APP: variants seen among roughly 807,000 people sequenced by gnomAD.
APP encodes the protein amyloid-beta precursor protein.
APP carries 31 observed loss-of-function variants against 101.4 expected under a neutral mutation model. That is an observed-to-expected ratio of 0.31 (90% CI 0.23 to 0.41). The LOEUF is 0.41. APP is among the 10% of genes least tolerant of loss of function. The pLI is 1.00. For missense variants in APP, 839 were observed against 1,003.7 expected (o/e 0.84, Z 2.22); for synonymous variants, 366 against 364.4 (o/e 1.00, Z -0.05).
intron 2 of APP, among the ~76,000 whole-genome samples, chr21:26,102,889 C>CAAAAAAAAAAAAA (rs3084283): frequency 1.6e-5 from 1 of 63,090 alleles, no homozygotes; most frequent in Non-Finnish European, 2.9e-5. Context: ...GACTCTGTCT[C>CAAAAAAAAAAAAA]AAAAAAAAAA....
At chr21:26,007,269 A>C (rs898738450) in intron 6 of APP, among the ~76,000 whole-genome samples, 4 of 150,872 alleles carry the variant, frequency 2.7e-5, no homozygotes, top group Non-Finnish European at 5.9e-5. Context: ...TCCTTAATGT[A>C]ACAGTGGAAT....
intron 15 of APP, chr21:25,897,899 T>A (rs989052310): frequency 7.2e-6 from 4 of 558,476 alleles, no homozygotes; most frequent in African/African-American, 5.7e-5. Context: ...AAAGTAAGGC[T>A]TCTGCTGCCT....
At chr21:26,157,908 A>G (rs2063409238) in intron 1 of APP, among the ~76,000 whole-genome samples, 1 of 152,228 alleles carries the variant, frequency 6.6e-6, no homozygotes, top group South Asian at 2.1e-4. Flanking sequence ...CTCAGTGTCA[A>G]GCTCTTTTCT....
intron 2 of APP, among the ~76,000 whole-genome samples, chr21:26,105,499 C>A (rs1044191178): frequency 2.1e-4 from 32 of 151,276 alleles, no homozygotes; most frequent in Admixed American, 7.9e-4. Context: ...TCCATCAATA[C>A]GGTTTAAAAA....
At chr21:26,118,028 C>T (rs1360972987) in intron 1 of APP, among the ~76,000 whole-genome samples, 2 of 152,066 alleles carry the variant, frequency 1.3e-5, no homozygotes, top group Non-Finnish European at 2.9e-5. Flanking sequence ...TAGATTGGTG[C>T]AAAAATCGCA....
chr21:26,169,990 C>G (rs1414739669), intron 1 of APP, among the ~76,000 whole-genome samples: 2 of 152,046 alleles, frequency 1.3e-5, no homozygotes, highest in African/African-American at 2.4e-5. Context: ...CCAGCAGCCG[C>G]GAAAAGAGGT....
Position 25,889,097 on chromosome 21 carries a change from T to TA in APP, c.2211+2624dup, listed in dbSNP as rs1190166493. On this transcript the variant is annotated intron_variant, in intron 17 of 17. Coordinates refer to ENST00000346798, the MANE Select transcript of APP (RefSeq NM_000484.4). ...TATGCTCAGCATCACTGGGGTCTGT[T>TA]ACGGGCTAAAACGTGTCCCCCTAGA... is the stretch of plus-strand genomic sequence containing the variant. Among the ~76,000 whole-genome samples, 4 of 152,292 alleles carry TA rather than the reference T, an allele frequency of 2.6e-5. No individual in the cohort carries two copies. The South Asian group carries it at 6.2e-4, about 24-fold the overall frequency.
chr21:25,969,347 C>CAAA (rs60834302), intron 11 of APP, among the ~76,000 whole-genome samples: 15 of 55,644 alleles, frequency 2.7e-4, no homozygotes, highest in Non-Finnish European at 2.7e-4. Context: ...GACTCTGTCT[C>CAAA]AAAAAAAAAA....
intron 3 of APP, chr21:26,089,725 C>A: frequency 5.7e-6 from 3 of 527,342 alleles, no homozygotes; most frequent in South Asian, 5.2e-5. Flanking sequence ...TCAATATACA[C>A]CCTGGGTAAA....
chr21:26,016,829 C>G (rs1373481978), intron 6 of APP, among the ~76,000 whole-genome samples: 1 of 152,052 alleles, frequency 6.6e-6, no homozygotes, highest in African/African-American at 2.4e-5. Context: ...CTCGGCCTCC[C>G]AAGGTGCTGG....
rs995111543 is a variant in APP, at chr21:26,001,535, G to A, written c.866-1353C>T. Among the ~76,000 whole-genome samples, 4 of 152,216 alleles carry A rather than the reference G, an allele frequency of 2.6e-5. No individual in the cohort carries two copies. In the East Asian group the frequency reaches 7.7e-4, roughly 29 times the overall value. On this transcript the variant is annotated intron_variant, in intron 6 of 17. Coordinates refer to ENST00000346798, the MANE Select transcript of APP (RefSeq NM_000484.4). Reference sequence around the variant, plus strand: ...ATTCTTTTTTTCTTTTTATGAGACAGGGTCTTGCACTGCCGCCCAGTGGCA... The same window carrying A: ...ATTCTTTTTTTCTTTTTATGAGACAAGGTCTTGCACTGCCGCCCAGTGGCA...
At chr21:26,149,354 A>C (rs1446709144) in intron 1 of APP, among the ~76,000 whole-genome samples, 1 of 152,250 alleles carries the variant, frequency 6.6e-6, no homozygotes, top group African/African-American at 2.4e-5. Context: ...AAAAGAAAAA[A>C]TTAAGTGAAA....
chr21:26,019,403 C>T (rs1355491020), intron 6 of APP, among the ~76,000 whole-genome samples: 1 of 152,176 alleles, frequency 6.6e-6, no homozygotes, highest in African/African-American at 2.4e-5. Flanking sequence ...CCCACCCACA[C>T]TTTTGGCTCT....
chr21:26,155,444 T>C (rs2063355946), intron 1 of APP, among the ~76,000 whole-genome samples: 2 of 152,204 alleles, frequency 1.3e-5, no homozygotes, highest in Admixed American at 6.5e-5. Context: ...TTTATGTGGC[T>C]ACTTGAAAAC....
intron 17 of APP, among the ~76,000 whole-genome samples, chr21:25,887,282 A>C (rs1399501387): frequency 6.6e-6 from 1 of 152,178 alleles, no homozygotes; most frequent in African/African-American, 2.4e-5. Flanking sequence ...GAACGTCCTA[A>C]AACAGGAGCA....
At chr21:25,912,009 CA>C (rs757751364) in intron 13 of APP, 47 bp from the exon 14 acceptor site, 2 of 1,259,130 alleles carry the variant, frequency 1.6e-6, no homozygotes, top group Non-Finnish European at 2.3e-6. Flanking sequence ...ACAATCACAA[CA>C]GCAGCAGCAG....
chr21:26,043,968 A>G (rs991981343), intron 5 of APP, among the ~76,000 whole-genome samples: 8 of 152,228 alleles, frequency 5.3e-5, no homozygotes, highest in Non-Finnish European at 1.5e-5. Flanking sequence ...CCTATGTTAC[A>G]AAATATTTAT....
At chr21:26,062,918 A>G (rs2046328467) in intron 3 of APP, among the ~76,000 whole-genome samples, 2 of 152,006 alleles carry the variant, frequency 1.3e-5, no homozygotes, top group South Asian at 4.1e-4. Flanking sequence ...ACATGCTACC[A>G]TGACCAGCAA....
intron 1 of APP, among the ~76,000 whole-genome samples, chr21:26,136,202 A>AAAGAAAGAAAGAAAGAAAGAAAGAAAAG (rs137962980): frequency 2.0e-5 from 2 of 100,604 alleles, no homozygotes; most frequent in African/African-American, 4.2e-5. Context: ...AGAAAGAAAG[A>AAAGAAAGAAAGAAAGAAAGAAAGAAAAG]AAAGAAAAGA....
Sources: allele counts gnomAD v4.1 joint callset (sites outside exome capture counted in the v4.1 genomes callset), GRCh38; gene constraint gnomAD v4.1.1; transcripts MANE v1.5; gene names NCBI Gene and HGNC (gene_info 2026-07-23, HGNC 2026-07-21).